The following NFIA variants were observed in gnomAD, a reference collection of about 807,000 sequenced individuals.
NFIA encodes the protein nuclear factor I A.
A neutral mutation model predicts 62.8 loss-of-function variants in NFIA; 8 were observed. The observed-to-expected ratio is 0.13, with a 90% CI of 0.07 to 0.23. The LOEUF (loss-of-function observed/expected upper bound fraction) is 0.23. Ranked by LOEUF, NFIA falls within the 10% of genes least tolerant of loss-of-function variation. The pLI is 1.00. For missense variants in NFIA, 410 were observed against 642.1 expected, an observed-to-expected ratio of 0.64 and a Z score of 3.91; for synonymous variants, 235 against 238.1, an observed-to-expected ratio of 0.99 and a Z score of 0.12.
intron 9 of NFIA, among the ~76,000 whole-genome samples, chr1:61,408,298 T>C (rs1665944458): frequency 6.6e-6 from 1 of 152,208 alleles, no homozygotes; most frequent in Non-Finnish European, 1.5e-5. Context: ...TCTTAGAAGC[T>C]CAGCTTAGAA....
upstream of NFIA, chr1:61,077,558 AGGG>A (rs1367182405): frequency 5.1e-5 from 64 of 1,261,258 alleles, no homozygotes; most frequent in Middle Eastern, 2.0e-4. Context: ...TGCAAAAAAA[AGGG>A]GACAACAAAT....
intron 7 of NFIA, among the ~76,000 whole-genome samples, chr1:61,383,835 T>G (rs1314589913): frequency 6.6e-6 from 1 of 152,246 alleles, no homozygotes; most frequent in East Asian, 1.9e-4. Context: ...GATTTCAATA[T>G]GTGGCATTTT....
chr1:61,131,955 C>T (rs1464280843), intron 2 of NFIA, among the ~76,000 whole-genome samples: 1 of 152,122 alleles, frequency 6.6e-6, no homozygotes, highest in Non-Finnish European at 1.5e-5. Context: ...ACCTCTACAG[C>T]TGATACTTTG....
chr1:61,172,850 A>G (rs904206153), intron 2 of NFIA, among the ~76,000 whole-genome samples: 1 of 152,224 alleles, frequency 6.6e-6, no homozygotes, highest in Non-Finnish European at 1.5e-5. Context: ...TAACTCGACA[A>G]TCTAGCTACA....
At chr1:61,160,131 C>A (rs1406134596) in intron 2 of NFIA, among the ~76,000 whole-genome samples, 1 of 152,110 alleles carries the variant, frequency 6.6e-6, no homozygotes, top group African/African-American at 2.4e-5. Flanking sequence ...GAGAAGGGAA[C>A]TGGAATCCCT....
intron 2 of NFIA, among the ~76,000 whole-genome samples, chr1:61,256,331 G>A (rs1276494324): frequency 6.6e-6 from 1 of 151,610 alleles, no homozygotes; most frequent in African/African-American, 2.4e-5. Flanking sequence ...AGCTACTCAG[G>A]AGGCTGAGGC....
chr1:61,150,248 C>T (rs549085499), intron 2 of NFIA, among the ~76,000 whole-genome samples: 3 of 152,304 alleles, frequency 2.0e-5, no homozygotes, highest in African/African-American at 4.8e-5. Flanking sequence ...ATCAATGTGT[C>T]GCATGTCCCC....
In NFIA at chr1:61,094,320, A is replaced by G. The variant is rs185517844; in HGVS notation, c.559+5640A>G. ...GAAACATAAAACCCTGAACTTAATC[A>G]CAAATGGAGATACCGTAAAAGTATT... On this transcript the variant is annotated intron_variant, in intron 2 of 10. Transcript: ENST00000403491. 3.3e-5 allele frequency among the ~76,000 whole-genome samples: 5 copies of G among 152,290 alleles called. No homozygotes were observed. In the East Asian group the frequency reaches 9.6e-4, roughly 29 times the overall value.
In NFIA at chr1:61,359,160, C is replaced by T; in HGVS notation, c.832C>T (p.Leu278Phe). Residue 278 changes from leucine to phenylalanine, a missense_variant, in exon 6 of 11, where the codon CTC becomes TTC. This residue lies in a region of NFIA where 298 missense variants were observed against 438.1 expected (regional missense o/e 0.68). Transcript: ENST00000403491. ...STSSTSSTKR[L>F]KSVEDEMDSP... ...TTGTTATTTCAGCTCCACAAAGCGCCTCAAGTCTGTGGAGGATGAAATGGA... is the reference window on the plus strand; with the variant it reads ...TTGTTATTTCAGCTCCACAAAGCGCTTCAAGTCTGTGGAGGATGAAATGGA... The T allele has an allele frequency of 1.2e-6, 2 of 1,613,386 alleles. No homozygotes were observed. Among genetic ancestry groups the T allele is most frequent in the Non-Finnish European group, 1.7e-6 (2 of 1,179,936 alleles).
At position 61,088,055 on chromosome 1, in the gene NFIA, T is replaced by A; in HGVS notation, c.28-94T>A. On this transcript the variant is annotated intron_variant, in intron 1 of 10. Transcript: ENST00000403491. The surrounding 1 kb of genome is among the most constrained non-coding windows in gnomAD (Gnocchi z 4.5). ...TGCTCTAATCAAATTTCAAGTGAAA[T>A]GAGGAATTTCTTTCTTAAGGTGACC... is the stretch of plus-strand genomic sequence containing the variant. 1.6e-6 allele frequency: 2 copies of A among 1,261,922 alleles called. No homozygotes were observed. The highest frequency in any genetic ancestry group is 2.2e-6 in the Non-Finnish European group (2 of 910,370). The allele number at this position is 1,261,922 out of a possible 1,614,324, so 78.2% of individuals were successfully genotyped here. A position where few individuals can be genotyped will look rare whatever the true frequency, so the allele number is the denominator to read the frequency against.
rs1479967526 is a variant in NFIA at position 61,461,114 on chromosome 1, A to G, written c.*5794A>G. On this transcript the variant is annotated 3_prime_UTR_variant, in exon 11 of 11. Transcript: ENST00000403491. ...GTCTCAAAACGACTATTTGAATTTC[A>G]AGAACTGTGCTGCGAAGACACTCTG... The G allele has an allele frequency of 6.6e-6, 1 of 152,132 alleles. No individual in the cohort carries two copies. The highest frequency in any genetic ancestry group is 1.5e-5 in the Non-Finnish European group (1 of 68,026). 9.4% of individuals were successfully genotyped at this position (152,132 alleles called of 1,614,324 possible).
At chr1:61,211,985 A>G (rs1452679743) in intron 2 of NFIA, among the ~76,000 whole-genome samples, 1 of 152,148 alleles carries the variant, frequency 6.6e-6, no homozygotes, top group Non-Finnish European at 1.5e-5. Flanking sequence ...CTATTTTTCA[A>G]ATGTGAGAAA....
upstream of NFIA, among the ~76,000 whole-genome samples, chr1:61,078,606 T>C (rs1646060016): frequency 6.6e-6 from 1 of 152,258 alleles, no homozygotes; most frequent in Non-Finnish European, 1.5e-5. Context: ...TCTTGAACTC[T>C]AAACAACAGT....
intron 2 of NFIA, among the ~76,000 whole-genome samples, chr1:61,089,522 T>A (rs538231826): frequency 1.3e-5 from 2 of 152,252 alleles, no homozygotes; most frequent in Admixed American, 1.3e-4. Context: ...GACAAAAGGC[T>A]CATTGTGCTA....
chr1:61,083,347 G>A (rs2100404565), intron 1 of NFIA, among the ~76,000 whole-genome samples: 1 of 152,244 alleles, frequency 6.6e-6, no homozygotes, highest in Admixed American at 6.5e-5. Flanking sequence ...GCGCCCAACG[G>A]CCCGCTCCCC....
At chr1:61,335,620 A>T (rs964000534) in intron 4 of NFIA, among the ~76,000 whole-genome samples, 1 of 152,254 alleles carries the variant, frequency 6.6e-6, no homozygotes. Flanking sequence ...AGGCGGGTGG[A>T]TCACCTGAGG....
chr1:61,171,094 C>G (rs17304887), intron 2 of NFIA, among the ~76,000 whole-genome samples: 201 of 152,228 alleles, frequency 1.3e-3, no homozygotes, highest in Admixed American at 2.2e-3. Flanking sequence ...AAAATGGATA[C>G]CAGATTGGCT....
intron 6 of NFIA, among the ~76,000 whole-genome samples, chr1:61,371,908 T>G (rs575667744): frequency 6.6e-6 from 1 of 152,256 alleles, no homozygotes; most frequent in Non-Finnish European, 1.5e-5. Context: ...ACAAGTTTCC[T>G]CACAAGTGCT....
chr1:61,128,913 A>ATGTT (rs1647023099), intron 2 of NFIA, among the ~76,000 whole-genome samples: 1 of 62,920 alleles, frequency 1.6e-5, no homozygotes, highest in African/African-American at 5.8e-5. Flanking sequence ...ATGCTTACTT[A>ATGTT]TGTTTTTTTT....
Sources: gnomAD v4.1 joint callset for allele counts (sites outside exome capture counted in the v4.1 genomes callset) on GRCh38, gnomAD v4.1.1 for gene constraint, gnomAD v4.1.1 regional missense constraint, Gnocchi (gnomAD v3.1) non-coding constraint, MANE v1.5 for transcripts, NCBI Gene and HGNC (gene_info 2026-07-23, HGNC 2026-07-21) for gene names.